Variants in LGR6 observed in about 807,000 individuals in gnomAD.
LGR6 encodes leucine rich repeat containing G protein-coupled receptor 6.
LGR6 carries 45 observed loss-of-function variants against 69.4 expected under a neutral mutation model. The observed-to-expected ratio is 0.65, with a 90% confidence interval of 0.51 to 0.83. The LOEUF (loss-of-function observed/expected upper bound fraction) is 0.83. Among genes scored for constraint, LGR6 ranks in the 40% least tolerant of loss-of-function variants. LGR6 has a pLI of 0.00. For missense variants in LGR6, 1,108 were observed against 1,246.7 expected (o/e 0.89, Z 1.68); for synonymous variants, 538 against 555.0 (o/e 0.97, Z 0.43).
At chr1:202,253,114 T>G (rs1286072694) in intron 4 of LGR6, among the ~76,000 whole-genome samples, 2 of 152,176 alleles carry the variant, frequency 1.3e-5, no homozygotes, top group African/African-American at 4.8e-5. Context: ...TGCTTTTCTG[T>G]GAAAACCAGC....
At chr1:202,302,835 C>T (rs1667706383) in intron 9 of LGR6, among the ~76,000 whole-genome samples, 1 of 152,164 alleles carries the variant, frequency 6.6e-6, no homozygotes, top group Non-Finnish European at 1.5e-5. Flanking sequence ...GTGTGAGCCA[C>T]CACACCCGGC....
chr1:202,207,942 G>C (rs1278254931), intron 1 of LGR6, among the ~76,000 whole-genome samples: 2 of 152,200 alleles, frequency 1.3e-5, no homozygotes, highest in Non-Finnish European at 2.9e-5. Context: ...AAAAAACAGA[G>C]TCCCTGGTCC....
At chr1:202,289,854 T>A (rs1407287984) in intron 6 of LGR6, among the ~76,000 whole-genome samples, 2 of 152,222 alleles carry the variant, frequency 1.3e-5, no homozygotes, top group African/African-American at 4.8e-5. Context: ...TTACAATCTC[T>A]CCAAAATTTC....
At chr1:202,308,967 G>C in intron 14 of LGR6, 84 bp from the exon 15 acceptor site, 1 of 1,527,150 alleles carries the variant, frequency 6.5e-7, no homozygotes, top group Non-Finnish European at 8.9e-7. Flanking sequence ...TCCATCCCAG[G>C]CACACTGGCC....
chr1:202,305,416 T>TTCC (rs1280152976), intron 11 of LGR6, among the ~76,000 whole-genome samples: 1 of 152,190 alleles, frequency 6.6e-6, no homozygotes, highest in Non-Finnish European at 1.5e-5. Flanking sequence ...CTTTGCCTGT[T>TTCC]TCCTCTTCAC....
chr1:202,228,726 A>C (rs1280391672), intron 3 of LGR6, among the ~76,000 whole-genome samples: 3 of 152,204 alleles, frequency 2.0e-5, no homozygotes, highest in Non-Finnish European at 4.4e-5. Flanking sequence ...AGTGAGGGCA[A>C]GAGGAATTGG....
intron 1 of LGR6, among the ~76,000 whole-genome samples, chr1:202,195,707 G>T (rs1211517450): frequency 2.0e-5 from 3 of 152,200 alleles, no homozygotes; most frequent in Non-Finnish European, 4.4e-5. Context: ...TGAAGACAGG[G>T]TCCTGTGGCT....
chr1:202,205,709 C>A (rs1362527455), intron 1 of LGR6, among the ~76,000 whole-genome samples: 61 of 137,640 alleles, frequency 4.4e-4, no homozygotes, highest in Non-Finnish European at 1.5e-4. Flanking sequence ...CACACACACC[C>A]CTAACACACA....
chr1:202,284,327 G>A (rs1425293779), intron 6 of LGR6, among the ~76,000 whole-genome samples: 3 of 152,302 alleles, frequency 2.0e-5, no homozygotes, highest in East Asian at 3.9e-4. Context: ...AGGATGACCC[G>A]AACTTGCTGG....
intron 16 of LGR6, among the ~76,000 whole-genome samples, chr1:202,313,308 T>C (rs544201338): frequency 1.3e-4 from 20 of 151,982 alleles, no homozygotes; most frequent in Non-Finnish European, 2.8e-4. Context: ...CTGACTCAGG[T>C]AGAAGTGCTT....
intron 1 of LGR6, chr1:202,214,221 C>T (rs1241323774): frequency 3.9e-6 from 6 of 1,540,100 alleles, no homozygotes; most frequent in Non-Finnish European, 5.2e-6. Context: ...TGGGAGTGCA[C>T]GGCGCGGTGC....
intron 5 of LGR6, among the ~76,000 whole-genome samples, chr1:202,278,722 T>G (rs1418736234): frequency 6.6e-6 from 1 of 152,058 alleles, no homozygotes; most frequent in Non-Finnish European, 1.5e-5. Flanking sequence ...GCAAAAAAGA[T>G]ATTTGGTTAA....
intron 4 of LGR6, among the ~76,000 whole-genome samples, chr1:202,256,370 A>G (rs1210652908): frequency 2.0e-5 from 3 of 152,078 alleles, no homozygotes; most frequent in African/African-American, 7.2e-5. Flanking sequence ...CAGCCTCCCA[A>G]GTAGCTGGGA....
intron 4 of LGR6, among the ~76,000 whole-genome samples, chr1:202,250,369 T>C (rs1029060041): frequency 2.0e-4 from 31 of 151,594 alleles, no homozygotes; most frequent in African/African-American, 7.2e-4. Context: ...TGTCCTTTTT[T>C]ATTTTTTAAT....
At position 202,319,332 on chromosome 1, in the gene LGR6, G is replaced by C. The variant is rs2148332746; in HGVS notation, c.*125G>C. ...GTGTGATCTATAGCAGGATGGCCCA[G>C]TCCCTGGCTCCACTGATCACCTCTC... On this transcript the variant is annotated 3_prime_UTR_variant, in exon 18 of 18. Transcript: ENST00000367278. 1.8e-6 allele frequency: 2 copies of C among 1,116,334 alleles called. No homozygotes were observed. The highest frequency in any genetic ancestry group is 1.7e-5 in the South Asian group (1 of 60,082). 69.2% of individuals were successfully genotyped at this position (1,116,334 alleles called of 1,614,324 possible). A position where few individuals can be genotyped will look rare whatever the true frequency, so the allele number is the denominator to read the frequency against.
At chr1:202,276,240 T>C in intron 4 of LGR6, 66 bp from the exon 5 acceptor site, 1 of 1,399,862 alleles carries the variant, frequency 7.1e-7, no homozygotes, top group Non-Finnish European at 1.0e-6. Context: ...GCTGGCCCAG[T>C]CTAGCCCCAA....
intron 1 of LGR6, among the ~76,000 whole-genome samples, chr1:202,215,029 G>GCGCA (rs1558009936): frequency 2.0e-5 from 3 of 151,438 alleles, no homozygotes. Flanking sequence ...GTGCGCGCGC[G>GCGCA]CGCGTTGGTG....
chr1:202,280,346 C>T (rs999931649), intron 5 of LGR6, among the ~76,000 whole-genome samples: 3 of 152,150 alleles, frequency 2.0e-5, no homozygotes, highest in African/African-American at 2.4e-5. Flanking sequence ...CAGAAAGCTT[C>T]GCCTTTAATT....
intron 4 of LGR6, among the ~76,000 whole-genome samples, chr1:202,248,660 A>G (rs1352749131): frequency 3.3e-5 from 5 of 152,162 alleles, no homozygotes; most frequent in Admixed American, 2.0e-4. Context: ...GTGGCGTGGC[A>G]GTCACTGAAA....
Sources: allele counts gnomAD v4.1 joint callset (sites outside exome capture counted in the v4.1 genomes callset), GRCh38; gene constraint gnomAD v4.1.1; transcripts MANE v1.5; gene names NCBI Gene and HGNC (gene_info 2026-07-23, HGNC 2026-07-21).